MPP4: variants seen among roughly 807,000 people sequenced by gnomAD.
MPP4 encodes the protein MAGUK p55 subfamily member 4.
In MPP4, 91 loss-of-function variants were observed where a neutral mutation model predicts 98.3. The ratio of observed to expected loss-of-function variants is 0.93; its 90% CI spans 0.78 to 1.10. MPP4 has a LOEUF of 1.10. Ranked by LOEUF, MPP4 falls within the 50% of genes least tolerant of loss-of-function variation. The probability of loss-of-function intolerance (pLI) is 0.00; values close to 1 mark genes in which losing one functional copy is unlikely to be tolerated. For synonymous variants in MPP4, 261 were observed against 271.8 expected, an observed-to-expected ratio of 0.96 and a Z score of 0.39; for missense variants, 744 against 792.9, an observed-to-expected ratio of 0.94 and a Z score of 0.74.
intron 11 of MPP4, among the ~76,000 whole-genome samples, chr2:201,670,796 C>T (rs1688319922): frequency 1.3e-5 from 2 of 152,222 alleles, no homozygotes; most frequent in South Asian, 4.1e-4. Context: ...TAGCTCTGGT[C>T]TGCAGCTCCC....
intron 18 of MPP4, chr2:201,651,871 T>C (rs1687722428): frequency 2.6e-6 from 1 of 384,624 alleles, no homozygotes; most frequent in Non-Finnish European, 3.6e-6. Flanking sequence ...GGAGAATTGC[T>C]TGAACCCAGG....
In MPP4 at chr2:201,659,875, T is replaced by G. The variant is rs372648251; in HGVS notation, c.1087+457A>C. ...ATAAAATATAAAGAGCATTTGTTAA[T>G]AGAATGAACTGACATATGCAACCTT... On this transcript the variant is annotated intron_variant, in intron 15 of 21. Transcript: ENST00000409474. Among the ~76,000 whole-genome samples the G allele has an allele frequency of 4.6e-5, 7 of 152,262 alleles. No individual in the cohort carries two copies. In the East Asian group the frequency reaches 1.2e-3, roughly 25 times the overall value.
intron 3 of MPP4, among the ~76,000 whole-genome samples, chr2:201,691,614 T>C (rs13023355): frequency 0.075 from 11,398 of 152,228 alleles, 589 homozygotes; most frequent in Non-Finnish European, 0.1. Flanking sequence ...GCCTCCCAGG[T>C]TTAAGCAATT....
intron 7 of MPP4, 46 bp downstream of exon 7, chr2:201,685,018 T>G: frequency 6.6e-7 from 1 of 1,510,992 alleles, no homozygotes; most frequent in Non-Finnish European, 9.1e-7. Context: ...CAGTCAAGGG[T>G]TTCCTGTTTT....
chr2:201,647,723 T>A lies in MPP4; in HGVS notation c.1687A>T (p.Ile563Phe). The change falls in exon 21 of 22, where the codon ATT becomes TTT. Residue 563 changes from isoleucine to phenylalanine, a missense_variant. By Grantham distance (21) the Ile-to-Phe change is conservative. Coordinates refer to ENST00000409474, the MANE Select transcript of MPP4 (RefSeq NM_033066.3). Reference sequence around the variant, plus strand: ...TTCATGTCCACATAGTAGTCAGTAATAACCTTGGCATTTTTCCGAGATTGT... The same window carrying A: ...TTCATGTCCACATAGTAGTCAGTAAAAACCTTGGCATTTTTCCGAGATTGT... ...MKQSRKNAKV[I>F]TDYYVDMKFK... The A allele has an allele frequency of 6.2e-7, 1 of 1,613,948 alleles. No homozygotes were observed. Among genetic ancestry groups the A allele is most frequent in the Non-Finnish European group, 8.5e-7 (1 of 1,179,846 alleles).
At chr2:201,680,756 T>C in intron 10 of MPP4, 82 bp downstream of exon 10, 1 of 1,271,686 alleles carries the variant, frequency 7.9e-7, no homozygotes, top group Non-Finnish European at 1.1e-6. Context: ...CTTTATCTCA[T>C]CTTGAGGTAA....
chr2:201,676,884 G>A (rs1221558014), intron 10 of MPP4, among the ~76,000 whole-genome samples: 1 of 152,164 alleles, frequency 6.6e-6, no homozygotes, highest in Admixed American at 6.5e-5. Context: ...TGGTGACAGA[G>A]CAAGACTCCA....
At chr2:201,692,080 TAA>T (rs985560682) in intron 3 of MPP4, among the ~76,000 whole-genome samples, 1 of 152,182 alleles carries the variant, frequency 6.6e-6, no homozygotes. Context: ...CTCCTCCACC[TAA>T]GTTAATTCCT....
intron 15 of MPP4, among the ~76,000 whole-genome samples, chr2:201,659,128 T>C (rs1336574356): frequency 2.0e-5 from 3 of 152,166 alleles, no homozygotes; most frequent in Non-Finnish European, 4.4e-5. Context: ...ACTCCTGACC[T>C]CAGGTGATCC....
At chr2:201,648,512 T>C (rs1687629148) in intron 20 of MPP4, among the ~76,000 whole-genome samples, 1 of 152,270 alleles carries the variant, frequency 6.6e-6, no homozygotes, top group Non-Finnish European at 1.5e-5. Context: ...GGTCAGATCC[T>C]GACTCTTATT....
At chr2:201,665,614 T>C (rs1212815199) in intron 13 of MPP4, 1 of 152,168 alleles carries the variant, frequency 6.6e-6, no homozygotes, top group African/African-American at 2.4e-5. Context: ...CTTGGTAAAA[T>C]AAACATAATG....
intron 1 of MPP4, 100 bp from the exon 2 acceptor site, chr2:201,694,154 A>C (rs180760897): frequency 2.6e-5 from 30 of 1,137,520 alleles, no homozygotes; most frequent in Non-Finnish European, 3.5e-5. Flanking sequence ...TGTGGTGCCT[A>C]CTCTTAACCA....
chr2:201,666,421 A>C, intron 12 of MPP4, 49 bp from the exon 13 acceptor site: 2 of 1,438,768 alleles, frequency 1.4e-6, no homozygotes, highest in Non-Finnish European at 1.9e-6. Flanking sequence ...ATGTGTCTGC[A>C]TTAAAAAGAA....
chr2:201,646,002 G>A (rs1347551476), intron 21 of MPP4, among the ~76,000 whole-genome samples: 1 of 152,030 alleles, frequency 6.6e-6, no homozygotes, highest in Non-Finnish European at 1.5e-5. Context: ...ATAAAAGACT[G>A]AAGTTTTTAT....
At chr2:201,690,128 C>T in intron 4 of MPP4, 74 bp downstream of exon 4, 1 of 949,028 alleles carries the variant, frequency 1.1e-6, no homozygotes, top group Non-Finnish European at 1.6e-6. Flanking sequence ...ACCTTTAATT[C>T]ATTTGAACTA....
intron 1 of MPP4, chr2:201,698,005 T>C (rs912255745): frequency 1.0e-6 from 1 of 985,326 alleles, no homozygotes; most frequent in African/African-American, 1.7e-5. Flanking sequence ...AGAGTGAGAA[T>C]TCTTGATTGA....
intron 8 of MPP4, among the ~76,000 whole-genome samples, chr2:201,682,470 G>A (rs976642352): frequency 6.6e-6 from 1 of 152,188 alleles, no homozygotes; most frequent in Non-Finnish European, 1.5e-5. Flanking sequence ...GGAGTGGTTT[G>A]CTTGGGTTCA....
rs943941668 is a variant in MPP4, at chr2:201,656,230, G to A, written c.1268C>T (p.Pro423Leu). Residue 423 changes from proline to leucine, a missense_variant, in exon 17 of 22, where the codon CCT (proline) becomes CTT (leucine). Physicochemically the swap from Pro to Leu is moderately conservative, Grantham distance 98. Transcript: ENST00000409474. Reference sequence around the variant, plus strand: ...CACTATGAGGCGGTACTTGTCTGAAGGGCGTCGCTGGTACCTCACCACCTC... The same window carrying A: ...CACTATGAGGCGGTACTTGTCTGAAAGGCGTCGCTGGTACCTCACCACCTC... ...YEEVVRYQRRPSDKYRLIVLM... is the reference protein window; with the variant it reads ...YEEVVRYQRRLSDKYRLIVLM... The A allele has an allele frequency of 6.2e-7, 1 of 1,605,108 alleles. No individual in the cohort carries two copies. The highest frequency in any genetic ancestry group is 1.7e-5 in the Admixed American group (1 of 59,020).
At chr2:201,669,394 C>T (rs1370031354) in intron 12 of MPP4, among the ~76,000 whole-genome samples, 10 of 152,132 alleles carry the variant, frequency 6.6e-5, no homozygotes, top group Non-Finnish European at 1.5e-5. Context: ...GCAGTTGAAA[C>T]AAAACATCTC....
Sources: gnomAD v4.1 joint callset for allele counts (sites outside exome capture counted in the v4.1 genomes callset) on GRCh38, gnomAD v4.1.1 for gene constraint, MANE v1.5 for transcripts, NCBI Gene and HGNC (gene_info 2026-07-23, HGNC 2026-07-21) for gene names.